The following GRM4 variants were observed in gnomAD, a reference collection of about 807,000 sequenced individuals.
The protein encoded by GRM4 is glutamate metabotropic receptor 4, also known as metabotropic glutamate receptor 4.
Under a neutral mutation model 81.7 loss-of-function variants are expected in GRM4, and 28 were observed. That is an observed-to-expected ratio of 0.34 (90% CI 0.25 to 0.47). GRM4 has a LOEUF of 0.47. Ranked by LOEUF, GRM4 falls within the 20% of genes least tolerant of loss-of-function variation. GRM4 has a pLI of 1.00. For synonymous variants in GRM4, 488 were observed against 528.8 expected, an observed-to-expected ratio of 0.92 and a Z score of 1.06; for missense variants, 948 against 1,290.0, an observed-to-expected ratio of 0.73 and a Z score of 4.06.
intron 9 of GRM4, among the ~76,000 whole-genome samples, chr6:34,028,892 G>A (rs1042320283): frequency 1.3e-5 from 2 of 152,094 alleles, no homozygotes; most frequent in Non-Finnish European, 2.9e-5. Context: ...GACTGCCCCC[G>A]CAACGGTCCC....
chr6:34,098,075 A>C (rs1768630425), intron 2 of GRM4, among the ~76,000 whole-genome samples: 1 of 152,170 alleles, frequency 6.6e-6, no homozygotes, highest in African/African-American at 2.4e-5. Context: ...TAGGCAATCA[A>C]GTGAACTCTC....
intron 2 of GRM4, chr6:34,103,800 C>A: frequency 6.9e-7 from 1 of 1,444,090 alleles, no homozygotes; most frequent in South Asian, 1.5e-5. Context: ...GAGCCTCAGT[C>A]TCCTCATCTG....
At chr6:34,025,988 G>A (rs1413979515) in intron 10 of GRM4, among the ~76,000 whole-genome samples, 2 of 152,174 alleles carry the variant, frequency 1.3e-5, no homozygotes, top group South Asian at 2.1e-4. Context: ...GGTGTGGGCC[G>A]AGGCCCCGAG....
intron 5 of GRM4, 128 bp from the exon 6 acceptor site, chr6:34,056,812 G>T: frequency 9.7e-7 from 1 of 1,035,050 alleles, no homozygotes; most frequent in Non-Finnish European, 1.4e-6. Context: ...CACATCCTCT[G>T]ATCCAGGAGA....
Position 34,022,151 on chromosome 6 carries a change from T to C in GRM4, c.*670A>G, listed in dbSNP as rs961888064. 6.5e-6 allele frequency: 1 copy of C among 154,010 alleles called. No individual in the cohort carries two copies. Among genetic ancestry groups the C allele is most frequent in the African/African-American group, 2.4e-5 (1 of 41,450 alleles). 9.5% of individuals were successfully genotyped at this position (154,010 alleles called of 1,614,324 possible). ...GAGATTTGTTTTCGTTTTGGCTTTTTTGTGTTTTGATTTTTTTTCCTTTTT... is the reference window on the plus strand; with the variant it reads ...GAGATTTGTTTTCGTTTTGGCTTTTCTGTGTTTTGATTTTTTTTCCTTTTT... On this transcript the variant is annotated 3_prime_UTR_variant, in exon 11 of 11. Coordinates refer to ENST00000538487, the MANE Select transcript of GRM4 (RefSeq NM_000841.4). The surrounding 1 kb of genome is among the most constrained non-coding windows in gnomAD (Gnocchi z 5.6).
chr6:34,119,211 C>A (rs191801590), intron 2 of GRM4, among the ~76,000 whole-genome samples: 216 of 152,288 alleles, frequency 1.4e-3, no homozygotes, highest in African/African-American at 4.7e-3. Context: ...ACCTGGTCAA[C>A]ATGGTGAAAC....
rs1764718226 is a variant in GRM4, at chr6:34,036,472, T to C, written c.1638A>G (p.Thr546=). The part of the protein sequence containing the change: ...MPCCWHCEPC[T]GYQYQVDRYT... ...AGCGGTCCACCTGGTACTGGTACCC[T>C]GTGCAAGGCTCGCAGTGCCAGCAGC... Residue 546 remains threonine, a synonymous_variant, in exon 9 of 11, where the codon ACA becomes ACG. Coordinates refer to ENST00000538487, the MANE Select transcript of GRM4 (RefSeq NM_000841.4). The surrounding 1 kb of genome is among the most constrained non-coding windows in gnomAD (Gnocchi z 9.0). 1 of 1,613,444 alleles carries C rather than the reference T, an allele frequency of 6.2e-7. No homozygotes were observed. Among genetic ancestry groups the C allele is most frequent in the Non-Finnish European group, 8.5e-7 (1 of 1,179,786 alleles).
intron 2 of GRM4, among the ~76,000 whole-genome samples, chr6:34,119,569 A>G (rs1769722400): frequency 6.6e-6 from 1 of 152,210 alleles, no homozygotes; most frequent in African/African-American, 2.4e-5. Flanking sequence ...GCGGCCACGT[A>G]CAGGGAAATT....
At chr6:34,139,930 GA>G (rs1770611228) in intron 1 of GRM4, among the ~76,000 whole-genome samples, 1 of 151,922 alleles carries the variant, frequency 6.6e-6, no homozygotes, top group Non-Finnish European at 1.5e-5. Context: ...GGGCGCTGGG[GA>G]AACACTGGGA....
Position 34,092,073 on chromosome 6 carries a change from T to C in GRM4, c.546A>G (p.Thr182=). 5 of 1,609,932 alleles carry C rather than the reference T, an allele frequency of 3.1e-6. No individual in the cohort carries two copies. Among genetic ancestry groups the C allele is most frequent in the Non-Finnish European group, 4.2e-6 (5 of 1,176,738 alleles). ...GGCTGTTGTCACTCAGGTCTGGCGC[T>C]GTGGAGGCGTAGCTGATCTGGGGTA... is the stretch of plus-strand genomic sequence containing the variant. ...FKIPQISYAS[T]APDLSDNSRY... The change falls in exon 3 of 11, where the codon ACA becomes ACG. Residue 182 remains threonine (T), a synonymous_variant. Transcript: ENST00000538487. The surrounding 1 kb of genome is among the most constrained non-coding windows in gnomAD (Gnocchi z 6.8).
In GRM4 at chr6:34,152,849, G is replaced by A. The variant is rs906942668; in HGVS notation, c.312+2230C>T. On this transcript the variant is annotated intron_variant, in intron 1 of 8. Transcript: ENST00000374177. This position sits in a 1 kb window ranked among gnomAD's most constrained non-coding sequence, Gnocchi z 4.1. The stretch of plus-strand genomic sequence containing the variant: ...CAAGGGGGACAGGCAGGAGCAAGGT[G>A]GGAGGGTGGCTGGGGATGGGAAGGT... Among the ~76,000 whole-genome samples, 1 of 152,200 alleles carries A rather than the reference G, an allele frequency of 6.6e-6. No individual in the cohort carries two copies. The highest frequency in any genetic ancestry group is 1.5e-5 in the Non-Finnish European group (1 of 68,032).
chr6:34,072,008 A>ACAGACACACACACATCAC (rs1766914654), intron 3 of GRM4, among the ~76,000 whole-genome samples: 2 of 149,866 alleles, frequency 1.3e-5, no homozygotes, highest in Non-Finnish European at 1.5e-5. Flanking sequence ...AATACACACC[A>ACAGACACACACACATCAC]CACAGAGACA....
chr6:34,086,556 G>A (rs2127482549), intron 3 of GRM4, among the ~76,000 whole-genome samples: 1 of 152,270 alleles, frequency 6.6e-6, no homozygotes, highest in East Asian at 1.9e-4. Flanking sequence ...CACCCTTAAG[G>A]CACAGATGTG....
intron 3 of GRM4, among the ~76,000 whole-genome samples, chr6:34,073,321 CCA>C (rs1234025131): frequency 6.1e-4 from 38 of 62,026 alleles, no homozygotes; most frequent in African/African-American, 1.2e-3. Flanking sequence ...CAGATACACA[CCA>C]CACACACACA....
Position 34,047,145 on chromosome 6 carries a change from C to T in GRM4, c.1169-6397G>A, listed in dbSNP as rs1765398598. On this transcript the variant is annotated intron_variant, in intron 6 of 10. Transcript: ENST00000538487. This position sits in a 1 kb window ranked among gnomAD's most constrained non-coding sequence, Gnocchi z 4.5. ...TGGGAGGACTGAGGGAGATGCAACA[C>T]CATGTCTTGTGCACAGAAGTCCTCT... 6.6e-6 allele frequency among the ~76,000 whole-genome samples: 1 copy of T among 152,116 alleles called. No homozygotes were observed. Among genetic ancestry groups the T allele is most frequent in the Non-Finnish European group, 1.5e-5 (1 of 68,024 alleles).
At chr6:34,142,640 T>C (rs1023805752) in intron 1 of GRM4, among the ~76,000 whole-genome samples, 2 of 152,226 alleles carry the variant, frequency 1.3e-5, no homozygotes, top group African/African-American at 4.8e-5. Flanking sequence ...CTTCTAGGCC[T>C]GAACCCGGCC....
intron 2 of GRM4, among the ~76,000 whole-genome samples, chr6:34,109,541 G>A (rs537770407): frequency 6.6e-6 from 1 of 152,312 alleles, no homozygotes; most frequent in South Asian, 2.1e-4. Flanking sequence ...TACATTCAAA[G>A]GGAGGCCCAA....
At chr6:34,023,188 CT>C (rs985189791) in intron 10 of GRM4, among the ~76,000 whole-genome samples, 1 of 152,252 alleles carries the variant, frequency 6.6e-6, no homozygotes. Context: ...ACTCCTTCCT[CT>C]AGCACTCCTT....
Position 34,064,213 on chromosome 6 carries a change from G to A in GRM4, c.737-2185C>T, listed in dbSNP as rs537449250. Among the ~76,000 whole-genome samples the A allele has an allele frequency of 6.6e-6, 1 of 152,220 alleles. No homozygotes were observed. The highest frequency in any genetic ancestry group is 2.4e-5 in the African/African-American group (1 of 41,532). ...GACCAGAAGGGAGTGCGGGGGGCGG[G>A]GGTGTGCAGAGCTCCGTAATACTAA... On this transcript the variant is annotated intron_variant, in intron 3 of 10. Transcript: ENST00000538487. This position sits in a 1 kb window ranked among gnomAD's most constrained non-coding sequence, Gnocchi z 4.4.
Sources: allele counts gnomAD v4.1 joint callset (sites outside exome capture counted in the v4.1 genomes callset), GRCh38; gene constraint gnomAD v4.1.1; non-coding constraint Gnocchi (gnomAD v3.1); transcripts MANE v1.5; gene names NCBI Gene and HGNC (gene_info 2026-07-23, HGNC 2026-07-21).